Variants in UBE3D observed in about 807,000 individuals in gnomAD.
UBE3D encodes the protein ubiquitin protein ligase E3D, also known as E3 ubiquitin-protein ligase E3D.
In UBE3D, 48 loss-of-function variants were observed where a neutral mutation model predicts 49.6. The ratio of observed to expected loss-of-function variants is 0.97; its 90% confidence interval spans 0.77 to 1.23. UBE3D has a LOEUF of 1.23. Ranked by LOEUF, UBE3D falls within the 50% of genes most tolerant of loss-of-function variation. The pLI is 0.00. For synonymous variants in UBE3D, 189 were observed against 174.2 expected (o/e 1.08, Z -0.67); for missense variants, 452 against 468.4 (o/e 0.96, Z 0.32).
At chr6:82,927,727 GT>G (rs1349382925) in intron 9 of UBE3D, among the ~76,000 whole-genome samples, 2 of 146,492 alleles carry the variant, frequency 1.4e-5, no homozygotes, top group East Asian at 2.0e-4. Flanking sequence ...CTACAATCTT[GT>G]TATAATCACT....
chr6:82,885,295 C>G, the UBE3D span, among the ~76,000 whole-genome samples: 1 of 152,106 alleles, frequency 6.6e-6, no homozygotes, highest in East Asian at 1.9e-4. Flanking sequence ...GCTCTGCAAC[C>G]AGATTGGTTT....
intron 8 of UBE3D, among the ~76,000 whole-genome samples, chr6:82,989,837 A>G (rs1432824194): frequency 6.6e-6 from 1 of 152,212 alleles, no homozygotes; most frequent in African/African-American, 2.4e-5. Context: ...AAACCTTTCT[A>G]TCTCATTTTC....
intron 9 of UBE3D, among the ~76,000 whole-genome samples, chr6:82,952,093 G>A (rs1163410543): frequency 6.6e-6 from 1 of 152,110 alleles, no homozygotes; most frequent in Admixed American, 6.5e-5. Context: ...CATGCAAGGG[G>A]CTGACAAGTC....
Position 83,054,226 on chromosome 6 carries a change from A to G in UBE3D, c.287T>C (p.Met96Thr), listed in dbSNP as rs756423337. 23 of 1,613,710 alleles carry G rather than the reference A, an allele frequency of 1.4e-5. No individual in the cohort carries two copies. Among genetic ancestry groups the G allele is most frequent in the South Asian group, 2.2e-5 (2 of 91,080 alleles). The change falls in exon 3 of 10, where the codon ATG (methionine) becomes ACG (threonine). Residue 96 changes from methionine (M) to threonine (T), a missense_variant. Physicochemically the swap from Met to Thr is moderately conservative, Grantham distance 81. Coordinates refer to ENST00000369747, the MANE Select transcript of UBE3D (RefSeq NM_198920.3). ...TTGGGTTTGCGAGCTTTGATTAAAC[A>G]TTGAAATCAGTTCTAAAGGAAGTCA... Reference protein sequence around the residue: ...QAKLGTKLISMFNQSSQTQEC... With the variant: ...QAKLGTKLISTFNQSSQTQEC...
intron 8 of UBE3D, among the ~76,000 whole-genome samples, chr6:82,994,828 T>C (rs983015467): frequency 2.0e-5 from 3 of 152,136 alleles, no homozygotes; most frequent in African/African-American, 7.2e-5. Context: ...AGAGGAAAGA[T>C]ATATTTGCCA....
chr6:83,055,514 T>C (rs1264003589), intron 2 of UBE3D, among the ~76,000 whole-genome samples: 1 of 152,166 alleles, frequency 6.6e-6, no homozygotes, highest in Non-Finnish European at 1.5e-5. Context: ...CCAAAATATT[T>C]TTTCCAGACC....
At chr6:82,946,323 A>C (rs1775396840) in intron 9 of UBE3D, among the ~76,000 whole-genome samples, 1 of 152,188 alleles carries the variant, frequency 6.6e-6, no homozygotes, top group Non-Finnish European at 1.5e-5. Context: ...TTTTCAGTGG[A>C]AACCTTACAG....
intron 3 of UBE3D, among the ~76,000 whole-genome samples, chr6:83,048,544 A>T (rs1783238228): frequency 6.6e-6 from 1 of 152,220 alleles, no homozygotes; most frequent in Non-Finnish European, 1.5e-5. Context: ...ATAAAATTGC[A>T]CCAAGATTTA....
chr6:82,945,935 CT>C (rs1775370716), intron 9 of UBE3D, among the ~76,000 whole-genome samples: 1 of 151,986 alleles, frequency 6.6e-6, no homozygotes, highest in Non-Finnish European at 1.5e-5. Flanking sequence ...AATTAGTGGG[CT>C]ATTTGAAAAT....
At chr6:82,908,195 T>A (rs1772241469) in intron 9 of UBE3D, among the ~76,000 whole-genome samples, 1 of 152,196 alleles carries the variant, frequency 6.6e-6, no homozygotes, top group Non-Finnish European at 1.5e-5. Flanking sequence ...AACGATTAAC[T>A]GCAAGACACC....
chr6:82,990,843 G>C (rs1282768352), intron 8 of UBE3D, among the ~76,000 whole-genome samples: 1 of 152,030 alleles, frequency 6.6e-6, no homozygotes, highest in Non-Finnish European at 1.5e-5. Context: ...TTGGAAAAAG[G>C]CATGAACCAC....
intron 9 of UBE3D, among the ~76,000 whole-genome samples, chr6:82,939,386 G>A (rs755881245): frequency 6.6e-5 from 10 of 152,138 alleles, no homozygotes; most frequent in Non-Finnish European, 8.8e-5. Flanking sequence ...ATCGTCTATC[G>A]TGGGTACATA....
chr6:83,053,755 G>A (rs1783627972), intron 3 of UBE3D, among the ~76,000 whole-genome samples: 2 of 152,232 alleles, frequency 1.3e-5, no homozygotes, highest in South Asian at 4.1e-4. Context: ...GATAAAAACA[G>A]TTCAAATAAA....
chr6:82,966,161 C>T (rs536141335), intron 8 of UBE3D, among the ~76,000 whole-genome samples: 27 of 151,982 alleles, frequency 1.8e-4, no homozygotes, highest in Admixed American at 6.6e-4. Context: ...CATCTGTATG[C>T]CACATATTGT....
chr6:82,905,271 C>A (rs1278802774), intron 9 of UBE3D, among the ~76,000 whole-genome samples: 1 of 152,094 alleles, frequency 6.6e-6, no homozygotes, highest in Non-Finnish European at 1.5e-5. Flanking sequence ...ACAACATGTG[C>A]TCACTTCATT....
chr6:82,936,323 T>C (rs957305987), intron 9 of UBE3D, among the ~76,000 whole-genome samples: 2 of 152,184 alleles, frequency 1.3e-5, no homozygotes, highest in African/African-American at 2.4e-5. Context: ...CTAAAAACAT[T>C]AGCATATTTT....
rs1483360644 is a variant in UBE3D, at chr6:82,892,955, T to C, written c.*67A>G. 9 of 1,585,272 alleles carry C rather than the reference T, an allele frequency of 5.7e-6. No individual in the cohort carries two copies. Among genetic ancestry groups the C allele is most frequent in the Non-Finnish European group, 7.8e-6 (9 of 1,154,444 alleles). On this transcript the variant is annotated 3_prime_UTR_variant, in exon 10 of 10. Transcript: ENST00000369747. ...TGTAATTGATGCCTCCTGAGCTGAC[T>C]GCTGGCCTCGGTGTGCTCCTGCTTG... is the stretch of plus-strand genomic sequence containing the variant.
intron 9 of UBE3D, among the ~76,000 whole-genome samples, chr6:82,919,351 C>T (rs550283314): frequency 2.0e-5 from 3 of 151,890 alleles, no homozygotes; most frequent in Non-Finnish European, 4.4e-5. Context: ...TGCCTGTAAT[C>T]TCAGCACTTT....
chr6:83,042,860 A>G (rs1217865558), intron 4 of UBE3D, among the ~76,000 whole-genome samples: 4 of 152,248 alleles, frequency 2.6e-5, no homozygotes, highest in Non-Finnish European at 2.9e-5. Flanking sequence ...TTGTTCCCAC[A>G]GGAGCCTTGA....
Sources: allele counts gnomAD v4.1 joint callset (sites outside exome capture counted in the v4.1 genomes callset), GRCh38; gene constraint gnomAD v4.1.1; transcripts MANE v1.5; gene names NCBI Gene and HGNC (gene_info 2026-07-23, HGNC 2026-07-21).